The following ZNF382 variants were observed in gnomAD, a reference collection of about 807,000 sequenced individuals.
The protein encoded by ZNF382 is KRAB/zinc finger suppressor protein 1.
ZNF382 carries 20 observed loss-of-function variants against 38.8 expected under a neutral mutation model. The ratio of observed to expected loss-of-function variants is 0.51; its 90% confidence interval spans 0.36 to 0.75. The LOEUF (loss-of-function observed/expected upper bound fraction) is 0.75, where lower values mean the gene tolerates loss of function less well. ZNF382 is among the 30% of genes least tolerant of loss of function. The probability of loss-of-function intolerance (pLI) is 0.00; values close to 1 mark genes in which losing one functional copy is unlikely to be tolerated. For synonymous variants in ZNF382, 202 were observed against 223.1 expected, an observed-to-expected ratio of 0.91 and a Z score of 0.84; for missense variants, 546 against 654.1, an observed-to-expected ratio of 0.83 and a Z score of 1.80.
At position 36,619,800 on chromosome 19, in the gene ZNF382, G is replaced by T. The variant is rs951408121; in HGVS notation, c.233-6330G>T. ...GGCTGGAGTGCAGTGGCACGATCTC[G>T]GCTCACTGCAAGCTCCGCCTCCCGA... is the stretch of plus-strand genomic sequence containing the variant. On this transcript the variant is annotated intron_variant, in intron 4 of 4. Coordinates refer to ENST00000292928, the MANE Select transcript of ZNF382 (RefSeq NM_032825.5). Among the ~76,000 whole-genome samples the T allele has an allele frequency of 2.6e-5, 4 of 151,310 alleles. No individual in the cohort carries two copies. The East Asian group carries it at 5.8e-4, about 22-fold the overall frequency.
chr19:36,614,880 CTTCCTTTCCTTTCCT>C (rs376641731), intron 4 of ZNF382, among the ~76,000 whole-genome samples: 2 of 89,830 alleles, frequency 2.2e-5, no homozygotes, highest in Non-Finnish European at 2.3e-5. Context: ...TTCTTTCTTT[CTTCCTTTCCTTTCCT>C]TTCCTTTCCT....
intron 4 of ZNF382, among the ~76,000 whole-genome samples, chr19:36,625,089 AATATATAT>A (rs371760229): frequency 0.11 from 4,862 of 42,998 alleles, 322 homozygotes; most frequent in Non-Finnish European, 0.13. Flanking sequence ...AATGAATTTA[AATATATAT>A]ATATATATAT....
chr19:36,609,072 G>A (rs1442654079), intron 2 of ZNF382: 2 of 152,160 alleles, frequency 1.3e-5, no homozygotes, highest in Admixed American at 6.5e-5. Context: ...CACATAACGT[G>A]TGTCAACTTA....
chr19:36,610,558 T>G, intron 3 of ZNF382, 92 bp from the exon 4 acceptor site: 1 of 916,482 alleles, frequency 1.1e-6, no homozygotes. Context: ...AATGTATACC[T>G]CATTTACTAC....
Position 36,617,064 on chromosome 19 carries a change from G to A in ZNF382, c.232+6322G>A, listed in dbSNP as rs1389002170. 3.4e-4 allele frequency among the ~76,000 whole-genome samples: 52 copies of A among 152,054 alleles called. 1 individual carries two copies. The highest frequency in any genetic ancestry group is 3.3e-3 in the Admixed American group (50 of 15,242). Reference sequence around the variant, plus strand: ...TGTAGAGAATCCTTAGTAAAGTAATGCCAAGAAGAAAGGAAGTAGAGGGAG... The same window carrying A: ...TGTAGAGAATCCTTAGTAAAGTAATACCAAGAAGAAAGGAAGTAGAGGGAG... On this transcript the variant is annotated intron_variant, in intron 4 of 4. Transcript: ENST00000292928.
In ZNF382 at chr19:36,633,360, CTA is replaced by C. The variant is rs1491193667; in HGVS notation, c.*5811_*5812del. The C allele has an allele frequency of 4.6e-5, 7 of 152,266 alleles. No homozygotes were observed. The East Asian group carries it at 1.4e-3, about 29-fold the overall frequency. 9.4% of individuals were successfully genotyped at this position (152,266 alleles called of 1,614,324 possible). ...GCCTATAATCGGACTTTTCAAAACC[CTA>C]GATATGTGACAATACCAAGTGCTGA... On this transcript the variant is annotated 3_prime_UTR_variant, in exon 5 of 5. Transcript: ENST00000292928.
chr19:36,627,406 GA>G lies in ZNF382; in HGVS notation c.1512del (p.Lys504AsnfsTer41). ...CPQCGKAFSR[K>X]SNLIRHQKTH... Reference sequence around the variant, plus strand: ...CTCAGTGTGGGAAAGCCTTCAGTAGGAAATCAAACCTCATTCGCCATCAGAA... The same window carrying G: ...CTCAGTGTGGGAAAGCCTTCAGTAGGAATCAAACCTCATTCGCCATCAGAA... On this transcript the variant is annotated frameshift_variant, in exon 5 of 5. Coordinates refer to ENST00000292928, the MANE Select transcript of ZNF382 (RefSeq NM_032825.5). LOFTEE classifies it high-confidence loss of function. The G allele has an allele frequency of 6.2e-7, 1 of 1,614,136 alleles. No homozygotes were observed.
chr19:36,616,492 AT>A, intron 4 of ZNF382, among the ~76,000 whole-genome samples: 1 of 152,348 alleles, frequency 6.6e-6, no homozygotes, highest in South Asian at 2.1e-4. Flanking sequence ...TATAACTTTC[AT>A]TCTAAAATGT....
chr19:36,623,270 G>A (rs2037183869), intron 4 of ZNF382, among the ~76,000 whole-genome samples: 1 of 152,154 alleles, frequency 6.6e-6, no homozygotes, highest in Admixed American at 6.6e-5. Flanking sequence ...ATAACAGTGT[G>A]TAAACGTATA....
At chr19:36,606,097 A>G (rs1481156292) in intron 1 of ZNF382, among the ~76,000 whole-genome samples, 2 of 152,172 alleles carry the variant, frequency 1.3e-5, no homozygotes, top group Non-Finnish European at 2.9e-5. Flanking sequence ...GACCATGGCT[A>G]GTTGGTTATG....
rs544697614 is a variant in ZNF382, at chr19:36,615,531, C to T, written c.232+4789C>T. 2.1e-3 allele frequency among the ~76,000 whole-genome samples: 313 copies of T among 152,034 alleles called. 1 individual carries two copies. Among genetic ancestry groups the T allele is most frequent in the African/African-American group, 7.4e-3 (307 of 41,478 alleles). ...AAAACTCTTATTCCACTTATATTGACCTACACAGATAGTATTTATTATGTT... is the reference window on the plus strand; with the variant it reads ...AAAACTCTTATTCCACTTATATTGATCTACACAGATAGTATTTATTATGTT... On this transcript the variant is annotated intron_variant, in intron 4 of 4. Coordinates refer to ENST00000292928, the MANE Select transcript of ZNF382 (RefSeq NM_032825.5).
intron 4 of ZNF382, among the ~76,000 whole-genome samples, chr19:36,619,471 GCTAA>G (rs1179315187): frequency 1.3e-5 from 2 of 152,130 alleles, no homozygotes; most frequent in South Asian, 2.1e-4. Context: ...GTAGTGGTGG[GCTAA>G]CTATTTGTAA....
chr19:36,625,812 G>A (rs980958343), intron 4 of ZNF382, among the ~76,000 whole-genome samples: 3 of 152,078 alleles, frequency 2.0e-5, no homozygotes, highest in African/African-American at 7.2e-5. Context: ...GCCCGCCTTG[G>A]CCTCCCAGAG....
intron 4 of ZNF382, among the ~76,000 whole-genome samples, chr19:36,620,359 T>G (rs1316319320): frequency 6.6e-6 from 1 of 152,214 alleles, no homozygotes; most frequent in Non-Finnish European, 1.5e-5. Flanking sequence ...TCATCCTATT[T>G]CCCTGAGTAC....
chr19:36,607,521 A>T, intron 1 of ZNF382, 31 bp from the exon 2 acceptor site: 1 of 1,331,600 alleles, frequency 7.5e-7, no homozygotes, highest in East Asian at 2.5e-5. Flanking sequence ...ATGGTCTCAC[A>T]TACGTATATC....
intron 4 of ZNF382, among the ~76,000 whole-genome samples, chr19:36,612,882 C>T (rs553488495): frequency 1.3e-5 from 2 of 152,274 alleles, no homozygotes; most frequent in Admixed American, 6.5e-5. Context: ...ACCTATGCCT[C>T]CCGGGTTCAA....
intron 3 of ZNF382, 152 bp downstream of exon 3, chr19:36,610,205 C>T (rs898353789): frequency 1.0e-6 from 1 of 996,384 alleles, no homozygotes; most frequent in Non-Finnish European, 1.4e-6. Context: ...CCTGTAATCC[C>T]AGCACTTTGG....
At chr19:36,606,516 C>T (rs1325323763) in intron 1 of ZNF382, among the ~76,000 whole-genome samples, 1 of 151,732 alleles carries the variant, frequency 6.6e-6, no homozygotes, top group Non-Finnish European at 1.5e-5. Flanking sequence ...CCACCACGCT[C>T]GGCTAGTTTT....
chr19:36,607,152 GT>G (rs1568626094), intron 1 of ZNF382, among the ~76,000 whole-genome samples: 1 of 151,708 alleles, frequency 6.6e-6, no homozygotes, highest in Non-Finnish European at 1.5e-5. Flanking sequence ...GTTGTCAACT[GT>G]CTTCATCAGG....
Sources: allele counts gnomAD v4.1 joint callset (sites outside exome capture counted in the v4.1 genomes callset), GRCh38; gene constraint gnomAD v4.1.1; transcripts MANE v1.5; gene names NCBI Gene and HGNC (gene_info 2026-07-23, HGNC 2026-07-21).